Variants in HARBI1 observed in about 807,000 individuals in gnomAD.
The protein encoded by HARBI1 is putative nuclease HARBI1.
A neutral mutation model predicts 25.3 loss-of-function variants in HARBI1; 15 were observed. The observed-to-expected ratio is 0.59, with a 90% CI of 0.40 to 0.91. HARBI1 has a LOEUF of 0.91. Ranked by LOEUF, HARBI1 falls within the 40% of genes least tolerant of loss-of-function variation. The pLI is 0.00. For synonymous variants in HARBI1, 168 were observed against 160.5 expected (o/e 1.05, Z -0.35); for missense variants, 396 against 445.8 (o/e 0.89, Z 1.01).
chr11:46,617,101 GT>G, intron 1 of HARBI1, 22 bp downstream of exon 1: 1 of 657,348 alleles, frequency 1.5e-6, no homozygotes, highest in Non-Finnish European at 1.9e-6. Context: ...CGGCCACTCA[GT>G]TAGCCCAGGC....
chr11:46,612,845 T>C (rs2045235768), intron 2 of HARBI1, among the ~76,000 whole-genome samples: 1 of 151,384 alleles, frequency 6.6e-6, no homozygotes, highest in Admixed American at 6.6e-5. Flanking sequence ...TAATTTTTTG[T>C]ATTTTTAGTA....
At chr11:46,614,065 T>A (rs1313551744) in intron 2 of HARBI1, among the ~76,000 whole-genome samples, 1 of 152,024 alleles carries the variant, frequency 6.6e-6, no homozygotes, top group East Asian at 1.9e-4. Flanking sequence ...TATAAATATA[T>A]ACCTGTAAGA....
intron 2 of HARBI1, among the ~76,000 whole-genome samples, chr11:46,605,162 C>G (rs1007213092): frequency 1.2e-4 from 18 of 152,162 alleles, no homozygotes; most frequent in African/African-American, 4.3e-4. Flanking sequence ...CTGGACTGTT[C>G]AGACAGTGGT....
rs756237096 is a variant in HARBI1, at chr11:46,603,777, C to T, written c.803G>A (p.Cys268Tyr). 1 of 1,614,130 alleles carries T rather than the reference C, an allele frequency of 6.2e-7. No individual in the cohort carries two copies. Among genetic ancestry groups the T allele is most frequent in the Admixed American group, 1.7e-5 (1 of 60,006 alleles). Residue 268 changes from cysteine (C) to tyrosine (Y), a missense_variant, in exon 3 of 3, where the codon TGC becomes TAC. Coordinates refer to ENST00000326737, the MANE Select transcript of HARBI1 (RefSeq NM_173811.4). Reference sequence around the variant, plus strand: ...TCCATCCAGGCAGCGGAATCGGGAGCAGAGGGTTCGGAAAGTCTTCTCAAT... The same window carrying T: ...TCCATCCAGGCAGCGGAATCGGGAGTAGAGGGTTCGGAAAGTCTTCTCAAT... ...SVIEKTFRTL[C>Y]SRFRCLDGSK...
chr11:46,608,649 T>G (rs2135387088), intron 2 of HARBI1, among the ~76,000 whole-genome samples: 1 of 151,250 alleles, frequency 6.6e-6, no homozygotes, highest in Non-Finnish European at 1.5e-5. Context: ...GGAGATACAG[T>G]CTCCAGCCCA....
chr11:46,608,627 T>TC (rs1197453386), intron 2 of HARBI1, among the ~76,000 whole-genome samples: 2 of 151,860 alleles, frequency 1.3e-5, no homozygotes, highest in Non-Finnish European at 2.9e-5. Context: ...AAAAAAATTT[T>TC]TTTTTTTTTT....
At chr11:46,614,368 G>A (rs922098584) in intron 2 of HARBI1, among the ~76,000 whole-genome samples, 1 of 151,958 alleles carries the variant, frequency 6.6e-6, no homozygotes, top group Non-Finnish European at 1.5e-5. Context: ...AGGTTGCAGT[G>A]AGCCAAGATC....
intron 2 of HARBI1, among the ~76,000 whole-genome samples, chr11:46,610,370 A>C (rs1418948877): frequency 6.7e-6 from 1 of 148,928 alleles, no homozygotes. Context: ...TATATAAAAT[A>C]ATAAAAAGGC....
At position 46,603,718 on chromosome 11, in the gene HARBI1, A is replaced by T. The variant is rs75201515; in HGVS notation, c.862T>A (p.Ser288Thr). 14 of 1,612,710 alleles carry T rather than the reference A, an allele frequency of 8.7e-6. No individual in the cohort carries two copies. ...CAACAGGCCAAGATGATATGGCTGG[A>T]TTTCTCTGGTGAGTACTGCAGTGCC... ...KGALQYSPEK[S>T]SHIILACCVL... The change falls in exon 3 of 3, where the codon TCC becomes ACC. Residue 288 changes from serine (S) to threonine (T), a missense_variant. Physicochemically the swap from Ser to Thr is moderately conservative, Grantham distance 58 (BLOSUM62 1). Coordinates refer to ENST00000326737, the MANE Select transcript of HARBI1 (RefSeq NM_173811.4).
chr11:46,614,627 GA>G (rs1378002842), intron 2 of HARBI1, among the ~76,000 whole-genome samples: 5 of 152,096 alleles, frequency 3.3e-5, no homozygotes, highest in Non-Finnish European at 5.9e-5. Context: ...TTGTTTTGGA[GA>G]CAGGGTCTTG....
intron 2 of HARBI1, 139 bp from the exon 3 acceptor site, chr11:46,604,048 G>T (rs926504971): frequency 7.1e-7 from 1 of 1,402,576 alleles, no homozygotes; most frequent in African/African-American, 1.5e-5. Context: ...AAAACCAAGC[G>T]GAAAATGCTA....
At chr11:46,604,246 C>G (rs118039365) in intron 2 of HARBI1, 3 of 983,798 alleles carry the variant, frequency 3.0e-6, no homozygotes, top group African/African-American at 1.7e-5. Flanking sequence ...TGGTGACTCA[C>G]GCCTGTAATG....
chr11:46,612,048 G>C (rs2045202327), intron 2 of HARBI1, among the ~76,000 whole-genome samples: 1 of 152,120 alleles, frequency 6.6e-6, no homozygotes, highest in African/African-American at 2.4e-5. Context: ...TGCCCACTTG[G>C]AACACAGGAG....
At chr11:46,616,732 T>C (rs546552527) in intron 1 of HARBI1, 55 of 986,316 alleles carry the variant, frequency 5.6e-5, no homozygotes, top group Non-Finnish European at 6.2e-5. Context: ...TGGGTAAGAA[T>C]TGGTCACGGG....
intron 1 of HARBI1, chr11:46,616,810 G>C: frequency 5.5e-6 from 1 of 182,310 alleles, no homozygotes; most frequent in Non-Finnish European, 7.2e-6. Flanking sequence ...GTTCAAACCA[G>C]TCTAACAAGA....
At position 46,615,928 on chromosome 11, in the gene HARBI1, CACA is replaced by C. The variant is rs780177490; in HGVS notation, c.307_309del (p.Cys103del). On this transcript the variant is annotated inframe_deletion, in exon 2 of 3. Transcript: ENST00000326737. ...ACAAGTGCTTCAGTGACATTGGCAA[CACA>C]ACGACTCATAGACGCCTGACTGATT... 2.5e-6 allele frequency: 4 copies of C among 1,614,194 alleles called. No homozygotes were observed. The South Asian group carries it at 3.3e-5, about 13-fold the overall frequency.
intron 2 of HARBI1, among the ~76,000 whole-genome samples, chr11:46,604,950 A>C (rs2044881149): frequency 6.6e-6 from 1 of 152,200 alleles, no homozygotes; most frequent in Non-Finnish European, 1.5e-5. Context: ...CAACAACAAA[A>C]AACTGGGGTG....
At chr11:46,609,913 T>C (rs1002982865) in intron 2 of HARBI1, among the ~76,000 whole-genome samples, 9 of 146,362 alleles carry the variant, frequency 6.1e-5, no homozygotes, top group African/African-American at 2.0e-4. Flanking sequence ...AGTGCAATGG[T>C]GCAATCTCGG....
intron 2 of HARBI1, among the ~76,000 whole-genome samples, chr11:46,605,432 G>A (rs901730318): frequency 1.3e-5 from 2 of 151,420 alleles, no homozygotes; most frequent in African/African-American, 4.9e-5. Flanking sequence ...CTTAAGTCCC[G>A]TGCCCAAACA....
Sources: allele counts gnomAD v4.1 joint callset (sites outside exome capture counted in the v4.1 genomes callset), GRCh38; gene constraint gnomAD v4.1.1; transcripts MANE v1.5; gene names NCBI Gene and HGNC (gene_info 2026-07-23, HGNC 2026-07-21).